The following RANBP2 variants were observed in gnomAD, a reference collection of about 807,000 sequenced individuals.
RANBP2 encodes E3 SUMO-protein ligase RanBP2.
Under a neutral mutation model 303.6 loss-of-function variants are expected in RANBP2, and 57 were observed. That is an observed-to-expected ratio of 0.19 (90% CI 0.15 to 0.23). The LOEUF (loss-of-function observed/expected upper bound fraction) is 0.23, where lower values mean the gene tolerates loss of function less well. Among genes scored for constraint, RANBP2 ranks in the 10% least tolerant of loss-of-function variants. RANBP2 has a pLI of 1.00. For missense variants in RANBP2, 3,138 were observed against 3,780.8 expected (o/e 0.83, Z 4.46); for synonymous variants, 1,167 against 1,301.5 (o/e 0.90, Z 2.23).
the RANBP2 span, among the ~76,000 whole-genome samples, chr2:108,919,801 C>T: frequency 5.5e-3 from 842 of 152,332 alleles, 4 homozygotes; most frequent in Non-Finnish European, 7.6e-3. Context: ...CCCCGCACTA[C>T]GAAGCTGCCT....
the RANBP2 span, among the ~76,000 whole-genome samples, chr2:109,407,289 A>G: frequency 3.3e-5 from 5 of 152,194 alleles, no homozygotes; most frequent in African/African-American, 1.2e-4. Context: ...ATGGAAGGGG[A>G]AGTGTTTGAA....
the RANBP2 span, chr2:109,613,651 G>T: frequency 1.9e-6 from 1 of 514,272 alleles, no homozygotes; most frequent in Non-Finnish European, 2.9e-6. Context: ...CGGCCGCCGC[G>T]GAAGCCGGGG....
At chr2:109,213,557 T>C in the RANBP2 span, among the ~76,000 whole-genome samples, 1 of 152,170 alleles carries the variant, frequency 6.6e-6, no homozygotes, top group African/African-American at 2.4e-5. Flanking sequence ...GGGGCTGGGC[T>C]CTTAAAGCAA....
chr2:108,829,223 T>C, the RANBP2 span, among the ~76,000 whole-genome samples: 2 of 152,176 alleles, frequency 1.3e-5, no homozygotes, highest in African/African-American at 2.4e-5. Context: ...TATTAGCAAA[T>C]TGTGTATCTG....
chr2:109,297,957 C>T, the RANBP2 span, among the ~76,000 whole-genome samples: 1 of 151,394 alleles, frequency 6.6e-6, no homozygotes, highest in East Asian at 2.0e-4. Flanking sequence ...GACTAGTGCC[C>T]CTCAACCAGG....
At chr2:108,804,998 TA>T in the RANBP2 span, 2 of 1,526,864 alleles carry the variant, frequency 1.3e-6, no homozygotes, top group Non-Finnish European at 1.8e-6. Context: ...AATGATACCT[TA>T]AAAAAACAGG....
the RANBP2 span, among the ~76,000 whole-genome samples, chr2:109,320,244 G>T: frequency 6.6e-6 from 1 of 152,120 alleles, no homozygotes; most frequent in Non-Finnish European, 1.5e-5. Context: ...CTGCTTTCCG[G>T]GCAGAGGAGG....
the RANBP2 span, among the ~76,000 whole-genome samples, chr2:109,379,216 C>T: frequency 3.3e-5 from 5 of 152,196 alleles, no homozygotes; most frequent in African/African-American, 1.2e-4. Context: ...CTTGGCTAAG[C>T]AGATGTTAGC....
the RANBP2 span, among the ~76,000 whole-genome samples, chr2:109,021,440 G>A: frequency 2.6e-5 from 4 of 151,436 alleles, no homozygotes; most frequent in Admixed American, 1.3e-4. Context: ...GGAGAATGGC[G>A]TGAACCCGGG....
At chr2:108,874,495 T>C in the RANBP2 span, among the ~76,000 whole-genome samples, 4 of 152,220 alleles carry the variant, frequency 2.6e-5, no homozygotes, top group Non-Finnish European at 4.4e-5. Context: ...TCAACTCATT[T>C]GTATAACAGT....
chr2:108,863,601 T>C, the RANBP2 span, among the ~76,000 whole-genome samples: 1 of 152,238 alleles, frequency 6.6e-6, no homozygotes, highest in African/African-American at 2.4e-5. Context: ...TCTATTCTGG[T>C]TTGTTGACTT....
At chr2:109,671,459 G>A in the RANBP2 span, among the ~76,000 whole-genome samples, 894 of 152,174 alleles carry the variant, frequency 5.9e-3, 8 homozygotes, top group African/African-American at 0.021. Flanking sequence ...TTCAGGGTTC[G>A]GCTGGCCTGG....
At chr2:109,572,776 C>G in the RANBP2 span, among the ~76,000 whole-genome samples, 1 of 151,896 alleles carries the variant, frequency 6.6e-6, no homozygotes, top group African/African-American at 2.4e-5. Context: ...GCCATCATGC[C>G]TGGCTAATTT....
Position 108,773,022 on chromosome 2 carries a change from G to A in RANBP2, c.8268G>A (p.Glu2756=), listed in dbSNP as rs760557328. The A allele has an allele frequency of 9.3e-6, 15 of 1,612,812 alleles. No individual in the cohort carries two copies. In the African/African-American group the frequency reaches 2.0e-4, roughly 22 times the overall value. ...DNGNGEDFQS[E]LQKVQEAQKS... ...GAAATGGGGAGGACTTTCAATCAGA[G>A]CTTCAAAAAGTTCAGGAAGCTCAAG... Residue 2756 remains glutamate, a synonymous_variant, in exon 23 of 29, where the codon GAG becomes GAA. Transcript: ENST00000283195.
the RANBP2 span, among the ~76,000 whole-genome samples, chr2:109,523,091 G>C: frequency 1.3e-5 from 2 of 152,178 alleles, no homozygotes; most frequent in Non-Finnish European, 2.9e-5. Context: ...GCCCTCTGTG[G>C]TCCTGGAGAG....
At chr2:109,103,617 A>G in the RANBP2 span, among the ~76,000 whole-genome samples, 1 of 152,160 alleles carries the variant, frequency 6.6e-6, no homozygotes, top group Admixed American at 6.5e-5. Flanking sequence ...TATGGAAGCC[A>G]AGCTTCTTGT....
chr2:109,016,780 G>A, the RANBP2 span, among the ~76,000 whole-genome samples: 3,682 of 152,364 alleles, frequency 0.024, 144 homozygotes, highest in African/African-American at 0.083. Flanking sequence ...ATGATTATGT[G>A]AAGCAGTGAG....
chr2:109,235,019 G>C, the RANBP2 span, among the ~76,000 whole-genome samples: 1 of 152,146 alleles, frequency 6.6e-6, no homozygotes, highest in Non-Finnish European at 1.5e-5. Flanking sequence ...ATCTTTAGAA[G>C]CTGCCCTGGT....
the RANBP2 span, among the ~76,000 whole-genome samples, chr2:109,584,537 T>C: frequency 9.9e-5 from 15 of 151,702 alleles, no homozygotes; most frequent in South Asian, 4.2e-4. Flanking sequence ...CAAAAAGTTA[T>C]TGCTTTACCA....
Sources: allele counts gnomAD v4.1 joint callset (sites outside exome capture counted in the v4.1 genomes callset), GRCh38; gene constraint gnomAD v4.1.1; transcripts MANE v1.5; gene names NCBI Gene and HGNC (gene_info 2026-07-23, HGNC 2026-07-21).